Variants in PCMT1 observed in about 807,000 individuals in gnomAD.
PCMT1 encodes the protein protein-L-isoaspartate(D-aspartate) O-methyltransferase.
PCMT1 carries 9 observed loss-of-function variants against 29.2 expected under a neutral mutation model. That is an observed-to-expected ratio of 0.31 (90% CI 0.19 to 0.54). PCMT1 has a LOEUF of 0.54. PCMT1 is among the 20% of genes least tolerant of loss of function. The pLI, the probability that PCMT1 is intolerant of heterozygous loss-of-function variation, is 0.95. For missense variants in PCMT1, 184 were observed against 282.2 expected, an observed-to-expected ratio of 0.65 and a Z score of 2.49; for synonymous variants, 98 against 97.5, an observed-to-expected ratio of 1.00 and a Z score of -0.03.
intron 3 of PCMT1, among the ~76,000 whole-genome samples, chr6:149,773,865 G>A (rs958599870): frequency 4.7e-4 from 72 of 152,208 alleles, no homozygotes; most frequent in African/African-American, 1.6e-3. Flanking sequence ...CACATTTTAT[G>A]TGGAAAATTC....
intron 7 of PCMT1, among the ~76,000 whole-genome samples, chr6:149,808,179 ATAAT>A (rs766213258): frequency 1.8e-4 from 27 of 152,160 alleles, no homozygotes; most frequent in African/African-American, 4.8e-4. Context: ...AATCTAATAA[ATAAT>A]TAAATTATGT....
At chr6:149,753,040 T>G (rs1442817452) in intron 1 of PCMT1, among the ~76,000 whole-genome samples, 1 of 152,236 alleles carries the variant, frequency 6.6e-6, no homozygotes, top group Non-Finnish European at 1.5e-5. Flanking sequence ...AATAGTTGTT[T>G]AGCCTCTTTT....
chr6:149,775,445 T>C (rs1260819780), intron 3 of PCMT1, among the ~76,000 whole-genome samples: 1 of 152,094 alleles, frequency 6.6e-6, no homozygotes, highest in Non-Finnish European at 1.5e-5. Context: ...GGCTCACACC[T>C]GTGTAATCTC....
intron 1 of PCMT1, among the ~76,000 whole-genome samples, chr6:149,767,648 C>G (rs896008300): frequency 1.3e-5 from 2 of 151,918 alleles, no homozygotes; most frequent in Non-Finnish European, 2.9e-5. Context: ...GAGATGGGGT[C>G]TCTTCGTGTT....
intron 3 of PCMT1, among the ~76,000 whole-genome samples, chr6:149,784,964 A>T (rs1233106014): frequency 2.6e-5 from 4 of 152,094 alleles, no homozygotes; most frequent in African/African-American, 9.7e-5. Flanking sequence ...TTTATAGTTA[A>T]TTCGCTTAAA....
chr6:149,807,862 A>T (rs1776057092), intron 7 of PCMT1, among the ~76,000 whole-genome samples: 1 of 152,176 alleles, frequency 6.6e-6, no homozygotes, highest in Admixed American at 6.5e-5. Flanking sequence ...GTGCTAAGGG[A>T]TCCAATTGAT....
chr6:149,784,688 T>TC (rs1787951816), intron 3 of PCMT1, among the ~76,000 whole-genome samples: 1 of 152,090 alleles, frequency 6.6e-6, no homozygotes, highest in Non-Finnish European at 1.5e-5. Context: ...GGTCTTGAAC[T>TC]CCTGAACTTA....
chr6:149,769,024 G>A (rs985137634), intron 1 of PCMT1, among the ~76,000 whole-genome samples: 3 of 151,920 alleles, frequency 2.0e-5, no homozygotes, highest in African/African-American at 7.3e-5. Flanking sequence ...ATTCTTCCTG[G>A]TAATATGTTT....
At position 149,769,171 on chromosome 6, in the gene PCMT1, C is replaced by A. The variant is rs117464028; in HGVS notation, c.56-1991C>A. On this transcript the variant is annotated intron_variant, in intron 1 of 7. Coordinates refer to ENST00000464889, the MANE Select transcript of PCMT1 (RefSeq NM_001360452.2). The stretch of plus-strand genomic sequence containing the variant: ...TGGTTTGATTGGTTTTTTTCTTTTT[C>A]CTACTTTTAGGCATTTTGTGGACAG... 3.4e-3 allele frequency among the ~76,000 whole-genome samples: 512 copies of A among 151,580 alleles called. 1 individual carries two copies. The highest frequency in any genetic ancestry group is 5.3e-3 in the Non-Finnish European group (359 of 67,930).
chr6:149,785,569 T>C (rs868226062), intron 3 of PCMT1, among the ~76,000 whole-genome samples: 2,048 of 152,184 alleles, frequency 0.013, 20 homozygotes, highest in African/African-American at 0.047. Flanking sequence ...CCGCAGTGTT[T>C]GTGTCCCTGG....
chr6:149,793,457 A>G (rs1208269040), intron 4 of PCMT1, 92 bp from the exon 5 acceptor site: 2 of 1,173,914 alleles, frequency 1.7e-6, no homozygotes, highest in Non-Finnish European at 1.1e-6. Flanking sequence ...TTCTCTTTGT[A>G]GAATATGACT....
intron 1 of PCMT1, 111 bp from the exon 2 acceptor site, chr6:149,771,051 C>T (rs938423478): frequency 5.3e-6 from 3 of 566,316 alleles, no homozygotes; most frequent in Admixed American, 7.0e-5. Context: ...ACAACAACTT[C>T]CAATCATTCT....
chr6:149,801,644 C>T, intron 6 of PCMT1, among the ~76,000 whole-genome samples: 1 of 151,990 alleles, frequency 6.6e-6, no homozygotes, highest in African/African-American at 2.4e-5. Context: ...GTTGGAGTTT[C>T]ACTGTGTTGG....
chr6:149,806,260 A>C (rs527833659), intron 7 of PCMT1, among the ~76,000 whole-genome samples: 1 of 152,220 alleles, frequency 6.6e-6, no homozygotes, highest in African/African-American at 2.4e-5. Flanking sequence ...AGGCAGTTAT[A>C]GGGTAGTGTT....
At chr6:149,793,511 T>C (rs1788467154) in intron 4 of PCMT1, 38 bp from the exon 5 acceptor site, 7 of 1,401,172 alleles carry the variant, frequency 5.0e-6, no homozygotes, top group Non-Finnish European at 6.5e-6. Flanking sequence ...AAAACAAATT[T>C]AGCCCAATGA....
intron 1 of PCMT1, among the ~76,000 whole-genome samples, chr6:149,768,617 GTTT>G (rs957556087): frequency 6.8e-6 from 1 of 147,666 alleles, no homozygotes; most frequent in Admixed American, 6.8e-5. Context: ...TGCACGGCTA[GTTT>G]TTTTTTTCTT....
intron 6 of PCMT1, chr6:149,796,815 T>C: frequency 5.2e-6 from 1 of 191,832 alleles, no homozygotes; most frequent in Non-Finnish European, 1.0e-5. Flanking sequence ...TTTTTTGTTT[T>C]TTGTTTTTTG....
chr6:149,783,189 G>C (rs568983573), intron 3 of PCMT1, among the ~76,000 whole-genome samples: 1 of 151,916 alleles, frequency 6.6e-6, no homozygotes, highest in African/African-American at 2.4e-5. Flanking sequence ...GCTGGATGCA[G>C]TGGCGTGATC....
chr6:149,787,289 T>TAGAGGGAGACCGTGGGG (rs1554255106), intron 3 of PCMT1, among the ~76,000 whole-genome samples: 3 of 140,670 alleles, frequency 2.1e-5, no homozygotes, highest in Non-Finnish European at 4.6e-5. Flanking sequence ...AGACCGTGGG[T>TAGAGGGAGACCGTGGGG]AGAGGGAGAC....
Sources: allele counts gnomAD v4.1 joint callset (sites outside exome capture counted in the v4.1 genomes callset), GRCh38; gene constraint gnomAD v4.1.1; transcripts MANE v1.5; gene names NCBI Gene and HGNC (gene_info 2026-07-23, HGNC 2026-07-21).